Variants in CACNA1C observed in about 807,000 individuals in gnomAD.
The protein encoded by CACNA1C is voltage-dependent L-type calcium channel subunit alpha-1C.
A neutral mutation model predicts 229.0 loss-of-function variants in CACNA1C; 30 were observed. The observed-to-expected ratio is 0.13, with a 90% CI of 0.10 to 0.18. The LOEUF is 0.18. Ranked by LOEUF, CACNA1C falls within the 10% of genes least tolerant of loss-of-function variation. The pLI, the probability that CACNA1C is intolerant of heterozygous loss-of-function variation, is 1.00. For missense variants in CACNA1C, 1,658 were observed against 2,845.0 expected, an observed-to-expected ratio of 0.58 and a Z score of 9.49; for synonymous variants, 1,114 against 1,132.5, an observed-to-expected ratio of 0.98 and a Z score of 0.33.
At chr12:2,548,758 T>A (rs2099888397) in intron 9 of CACNA1C, among the ~76,000 whole-genome samples, 1 of 152,166 alleles carries the variant, frequency 6.6e-6, no homozygotes, top group South Asian at 2.1e-4. Context: ...AAAATCCACA[T>A]CTATCAACAT....
intron 3 of CACNA1C, among the ~76,000 whole-genome samples, chr12:2,270,947 G>A (rs1409082389): frequency 1.3e-5 from 2 of 152,150 alleles, no homozygotes; most frequent in Non-Finnish European, 2.9e-5. Flanking sequence ...GAGATGAAGG[G>A]TGTCTAGACA....
At chr12:2,376,408 A>G (rs991288221) in intron 3 of CACNA1C, among the ~76,000 whole-genome samples, 1 of 152,074 alleles carries the variant, frequency 6.6e-6, no homozygotes, top group Non-Finnish European at 1.5e-5. Context: ...GAGGGGGGCA[A>G]ATAGCACCGA....
rs730880056 is a variant in CACNA1C at position 2,593,261 on chromosome 12, G to A, written c.2579G>A (p.Arg860Gln). The A allele has an allele frequency of 1.7e-5, 27 of 1,613,608 alleles. No individual in the cohort carries two copies. Among genetic ancestry groups the A allele is most frequent in the Non-Finnish European group, 2.0e-5 (24 of 1,179,812 alleles). Residue 860 changes from arginine (R) to glutamine (Q), a missense_variant, in exon 19 of 47, where the codon CGA (arginine) becomes CAA (glutamine). Around this residue, in one of 20 missense-constraint regions of CACNA1C, gnomAD observed 121 missense variants for 128.8 expected, o/e 0.94. Coordinates refer to ENST00000399655, the MANE Select transcript of CACNA1C (RefSeq NM_000719.7). ...GAGATGCCTGTCGGCCCTCGCCCAC[G>A]ACCACTCTCTGAGCTTCACCTTAAG... is the stretch of plus-strand genomic sequence containing the variant. ...EPEMPVGPRP[R>Q]PLSELHLKEK...
At chr12:2,483,655 T>C (rs1408568667) in intron 5 of CACNA1C, among the ~76,000 whole-genome samples, 2 of 152,142 alleles carry the variant, frequency 1.3e-5, no homozygotes, top group Non-Finnish European at 2.9e-5. Flanking sequence ...GGTTACTGAG[T>C]GGAAGAAGGA....
chr12:2,551,587 C>T (rs2239118), intron 10 of CACNA1C, among the ~76,000 whole-genome samples: 45,968 of 152,014 alleles, frequency 0.3, 7,907 homozygotes, highest in African/African-American at 0.47. Context: ...GCATTCCTGG[C>T]GGGAGAAGCA....
At chr12:2,164,140 A>C (rs1174935312) in intron 3 of CACNA1C, among the ~76,000 whole-genome samples, 3 of 152,106 alleles carry the variant, frequency 2.0e-5, no homozygotes, top group Admixed American at 1.3e-4. Context: ...ATGTGACCTC[A>C]TTGTTTGTCA....
intron 1 of CACNA1C, among the ~76,000 whole-genome samples, chr12:2,082,112 G>A (rs1467261559): frequency 6.6e-6 from 1 of 152,148 alleles, no homozygotes; most frequent in Non-Finnish European, 1.5e-5. Context: ...CCGTGAATGT[G>A]GATGAACCAA....
chr12:2,664,502 A>G (rs1569133124), intron 34 of CACNA1C, among the ~76,000 whole-genome samples: 1 of 152,362 alleles, frequency 6.6e-6, no homozygotes, highest in East Asian at 1.9e-4. Context: ...TTCATAGAGC[A>G]TACTCCTGTA....
rs2067527877 is a variant in CACNA1C at position 2,595,183 on chromosome 12, G to A, written c.2664-691G>A. On this transcript the variant is annotated intron_variant, in intron 19 of 46. Coordinates refer to ENST00000399655, the MANE Select transcript of CACNA1C (RefSeq NM_000719.7). The surrounding 1 kb of genome is among the most constrained non-coding windows in gnomAD (Gnocchi z 4.1). ...CAGGAGCAGAAGTCTGAAGGCCTGG[G>A]TTGAAGCCCTGACTCTCCCACACTA... Among the ~76,000 whole-genome samples, 1 of 152,124 alleles carries A rather than the reference G, an allele frequency of 6.6e-6. No homozygotes were observed. The highest frequency in any genetic ancestry group is 1.5e-5 in the Non-Finnish European group (1 of 68,024).
chr12:2,532,689 A>G (rs1331455808), intron 9 of CACNA1C, among the ~76,000 whole-genome samples: 1 of 152,174 alleles, frequency 6.6e-6, no homozygotes, highest in East Asian at 1.9e-4. Flanking sequence ...CCAGGACTCC[A>G]TCCCCAAATC....
chr12:2,503,345 TC>T (rs1301931299), intron 7 of CACNA1C, among the ~76,000 whole-genome samples: 1 of 152,228 alleles, frequency 6.6e-6, no homozygotes, highest in Non-Finnish European at 1.5e-5. Flanking sequence ...TGAGCTAGTT[TC>T]ACAAGGACAA....
intron 3 of CACNA1C, among the ~76,000 whole-genome samples, chr12:2,415,245 C>G (rs2098861301): frequency 6.6e-6 from 1 of 152,166 alleles, no homozygotes; most frequent in South Asian, 2.1e-4. Context: ...TTTTGCTAGT[C>G]TTTTTTATCT....
At chr12:2,086,099 T>C (rs1054377783) in intron 1 of CACNA1C, among the ~76,000 whole-genome samples, 1 of 152,154 alleles carries the variant, frequency 6.6e-6, no homozygotes, top group Non-Finnish European at 1.5e-5. Flanking sequence ...GTGTACCCAT[T>C]GGAAAACTCA....
intron 3 of CACNA1C, among the ~76,000 whole-genome samples, chr12:2,174,669 G>A (rs2096592593): frequency 6.6e-6 from 1 of 152,048 alleles, no homozygotes. Context: ...CCCTTGGATG[G>A]TCAAAAATCT....
intron 3 of CACNA1C, among the ~76,000 whole-genome samples, chr12:2,126,281 ATTCT>A (rs2090024716): frequency 6.6e-6 from 1 of 152,126 alleles, no homozygotes; most frequent in South Asian, 2.1e-4. Context: ...TGACATGACA[ATTCT>A]TTCTTTAGAT....
intron 1 of CACNA1C, among the ~76,000 whole-genome samples, chr12:2,069,275 G>A (rs1027608403): frequency 1.1e-4 from 17 of 152,150 alleles, no homozygotes; most frequent in Non-Finnish European, 7.4e-5. Context: ...AGGATAAAAT[G>A]GCAATCAGGG....
intron 29 of CACNA1C, 110 bp downstream of exon 29, chr12:2,612,123 G>A (rs894561262): frequency 1.3e-5 from 9 of 701,196 alleles, no homozygotes; most frequent in East Asian, 1.1e-4. Context: ...AAAAGGCATC[G>A]GTGAAGGACC....
At chr12:2,214,018 G>T (rs2059361411) in intron 3 of CACNA1C, among the ~76,000 whole-genome samples, 1 of 152,218 alleles carries the variant, frequency 6.6e-6, no homozygotes, top group Non-Finnish European at 1.5e-5. Flanking sequence ...CTCACATTGG[G>T]GAGGGAAGAC....
rs1236175550 is a variant in CACNA1C, at chr12:2,679,928, C to T, written c.5444+132C>T. 2 of 675,246 alleles carry T rather than the reference C, an allele frequency of 3.0e-6. No individual in the cohort carries two copies. The highest frequency in any genetic ancestry group is 5.0e-6 in the Non-Finnish European group (2 of 397,708). The allele number at this position is 675,246 out of a possible 1,614,324, so 41.8% of individuals were successfully genotyped here. A position where few individuals can be genotyped will look rare whatever the true frequency, so the allele number is the denominator to read the frequency against. ...GCTTCCAGGAGGTTGCTGCCCCAGA[C>T]TCCAGCAAGAGCAGGAGGCACTATG... is the stretch of plus-strand genomic sequence containing the variant. On this transcript the variant is annotated intron_variant, in intron 42 of 46. Transcript: ENST00000399655. This position sits in a 1 kb window ranked among gnomAD's most constrained non-coding sequence, Gnocchi z 5.5.
Sources: gnomAD v4.1 joint callset for allele counts (sites outside exome capture counted in the v4.1 genomes callset) on GRCh38, gnomAD v4.1.1 for gene constraint, gnomAD v4.1.1 regional missense constraint, Gnocchi (gnomAD v3.1) non-coding constraint, MANE v1.5 for transcripts, NCBI Gene and HGNC (gene_info 2026-07-23, HGNC 2026-07-21) for gene names.